NAV2: variants seen among roughly 807,000 people sequenced by gnomAD.
NAV2 encodes the protein helicase, APC down-regulated 1.
A neutral mutation model predicts 223.2 loss-of-function variants in NAV2; 54 were observed. That is an observed-to-expected ratio of 0.24 (90% CI 0.19 to 0.30). The LOEUF (loss-of-function observed/expected upper bound fraction) is 0.30, where lower values mean the gene tolerates loss of function less well. Ranked by LOEUF, NAV2 falls within the 10% of genes least tolerant of loss-of-function variation. NAV2 has a pLI of 1.00. For synonymous variants in NAV2, 1,279 were observed against 1,239.3 expected (o/e 1.03, Z -0.67); for missense variants, 2,806 against 3,147.5 (o/e 0.89, Z 2.60).
chr11:19,971,531 C>T (rs1427428928), intron 10 of NAV2, among the ~76,000 whole-genome samples: 1 of 152,168 alleles, frequency 6.6e-6, no homozygotes, highest in Admixed American at 6.5e-5. Flanking sequence ...CCCAGCCACA[C>T]AGCCTTGTTT....
At chr11:20,089,738 A>G (rs189432321) in intron 26 of NAV2, among the ~76,000 whole-genome samples, 9 of 152,310 alleles carry the variant, frequency 5.9e-5, no homozygotes, top group African/African-American at 2.2e-4. Flanking sequence ...TTTTAAGAGA[A>G]CTATCTTTCC....
chr11:19,705,354 C>T (rs1490869355), intron 1 of NAV2, among the ~76,000 whole-genome samples: 1 of 152,220 alleles, frequency 6.6e-6, no homozygotes, highest in Non-Finnish European at 1.5e-5. Flanking sequence ...CCCTATTTGA[C>T]CTCTTTGCCC....
intron 10 of NAV2, among the ~76,000 whole-genome samples, chr11:19,966,911 A>G (rs994636672): frequency 6.6e-6 from 1 of 152,224 alleles, no homozygotes; most frequent in African/African-American, 2.4e-5. Flanking sequence ...CTTGGGTAAT[A>G]TGAGCGGAAT....
At chr11:19,410,131 C>G (rs536188763) in intron 1 of NAV2, among the ~76,000 whole-genome samples, 2 of 152,300 alleles carry the variant, frequency 1.3e-5, no homozygotes, top group African/African-American at 2.4e-5. Flanking sequence ...GGGGGGCAGA[C>G]AGAGGTGGTC....
chr11:19,591,320 T>C (rs2046053272), intron 1 of NAV2: 1 of 152,246 alleles, frequency 6.6e-6, no homozygotes, highest in South Asian at 2.1e-4. Flanking sequence ...GGATAAGCTA[T>C]GCATATGTGA....
At chr11:19,932,994 G>A (rs1458268056) in intron 6 of NAV2, among the ~76,000 whole-genome samples, 182 bp from the exon 7 acceptor site, 1 of 152,206 alleles carries the variant, frequency 6.6e-6, no homozygotes, top group African/African-American at 2.4e-5. Context: ...GTGCAGTATG[G>A]AAAGCAGGAG....
intron 7 of NAV2, among the ~76,000 whole-genome samples, chr11:19,935,013 C>T (rs937447393): frequency 3.9e-5 from 6 of 152,122 alleles, no homozygotes; most frequent in East Asian, 3.9e-4. Flanking sequence ...TTCTGGTCAG[C>T]GACATTGCTC....
intron 10 of NAV2, among the ~76,000 whole-genome samples, chr11:19,955,427 T>G (rs1190036303): frequency 2.0e-5 from 3 of 152,140 alleles, no homozygotes; most frequent in Admixed American, 6.5e-5. Flanking sequence ...ACAACTAACT[T>G]TAAAAATGGC....
chr11:19,991,103 A>G (rs978840136), intron 11 of NAV2, among the ~76,000 whole-genome samples: 7 of 152,284 alleles, frequency 4.6e-5, no homozygotes, highest in Middle Eastern at 6.8e-3. Context: ...TGTTTTTGCG[A>G]AGCACCTAAG....
chr11:19,490,542 T>G (rs2702707), intron 1 of NAV2, among the ~76,000 whole-genome samples: 1 of 152,244 alleles, frequency 6.6e-6, no homozygotes, highest in African/African-American at 2.4e-5. Context: ...TTCTCATTCA[T>G]TTAAGTTTAT....
At chr11:19,715,473 G>A (rs968604166) in intron 1 of NAV2, among the ~76,000 whole-genome samples, 2 of 152,124 alleles carry the variant, frequency 1.3e-5, no homozygotes, top group Non-Finnish European at 2.9e-5. Context: ...GGTGTAGTGG[G>A]CAGTCGGTGG....
At chr11:19,401,769 A>T (rs1344290055) in intron 1 of NAV2, 1 of 152,228 alleles carries the variant, frequency 6.6e-6, no homozygotes, top group Non-Finnish European at 1.5e-5. Context: ...TATTTCATGG[A>T]ACACTAAATT....
At chr11:19,798,049 G>A (rs1039588934) in intron 1 of NAV2, among the ~76,000 whole-genome samples, 4 of 152,040 alleles carry the variant, frequency 2.6e-5, no homozygotes, top group African/African-American at 9.7e-5. Flanking sequence ...CCCTCCCTCT[G>A]GTCTCCAGTA....
chr11:20,026,715 G>A (rs1323810130), intron 11 of NAV2, among the ~76,000 whole-genome samples: 1 of 152,196 alleles, frequency 6.6e-6, no homozygotes, highest in Non-Finnish European at 1.5e-5. Context: ...ATTAAAATGT[G>A]TAAAATGAAT....
chr11:19,741,772 G>T (rs1398418248), intron 1 of NAV2, among the ~76,000 whole-genome samples: 2 of 144,330 alleles, frequency 1.4e-5, no homozygotes, highest in Non-Finnish European at 3.0e-5. Flanking sequence ...CATTTATGTT[G>T]TTTCCATATC....
intron 4 of NAV2, among the ~76,000 whole-genome samples, chr11:19,874,706 CT>C (rs1393479541): frequency 2.4e-4 from 36 of 152,202 alleles, no homozygotes; most frequent in African/African-American, 8.2e-4. Context: ...ATTCAGCACT[CT>C]TGAGTTTTTG....
At chr11:19,431,856 C>T (rs2133601115) in intron 1 of NAV2, among the ~76,000 whole-genome samples, 1 of 152,332 alleles carries the variant, frequency 6.6e-6, no homozygotes, top group Admixed American at 6.5e-5. Context: ...TTTGCCATAA[C>T]ACACATCACA....
At chr11:19,603,206 G>A (rs1164587821) in intron 1 of NAV2, among the ~76,000 whole-genome samples, 1 of 152,170 alleles carries the variant, frequency 6.6e-6, no homozygotes, top group Non-Finnish European at 1.5e-5. Flanking sequence ...TTTAAAATTT[G>A]TATTGTAAGC....
At chr11:19,870,595 A>G (rs890221850) in intron 4 of NAV2, among the ~76,000 whole-genome samples, 1 of 152,080 alleles carries the variant, frequency 6.6e-6, no homozygotes, top group Non-Finnish European at 1.5e-5. Flanking sequence ...CATCTGTCCC[A>G]TCCTCTCTGT....
Sources: allele counts gnomAD v4.1 joint callset (sites outside exome capture counted in the v4.1 genomes callset), GRCh38; gene constraint gnomAD v4.1.1; transcripts MANE v1.5; gene names NCBI Gene and HGNC (gene_info 2026-07-23, HGNC 2026-07-21).